The following MAPK6 variants were observed in gnomAD, a reference collection of about 807,000 sequenced individuals.
MAPK6 encodes mitogen-activated protein kinase 6.
Under a neutral mutation model 59.3 loss-of-function variants are expected in MAPK6, and 19 were observed. That is an observed-to-expected ratio of 0.32 (90% CI 0.22 to 0.47). The LOEUF (loss-of-function observed/expected upper bound fraction) is 0.47, where lower values mean the gene tolerates loss of function less well. Ranked by LOEUF, MAPK6 falls within the 20% of genes least tolerant of loss-of-function variation. The pLI, the probability that MAPK6 is intolerant of heterozygous loss-of-function variation, is 1.00. For missense variants in MAPK6, 724 were observed against 847.9 expected (o/e 0.85, Z 1.81); for synonymous variants, 316 against 290.3 (o/e 1.09, Z -0.90).
At chr15:52,002,912 G>C (rs1431161086) in intron 2 of MAPK6, among the ~76,000 whole-genome samples, 3 of 152,130 alleles carry the variant, frequency 2.0e-5, no homozygotes, top group African/African-American at 7.2e-5. Flanking sequence ...CAGATCACCG[G>C]GCGCGGTGGC....
intron 3 of MAPK6, among the ~76,000 whole-genome samples, chr15:52,006,127 T>G (rs1177198640): frequency 1.3e-5 from 2 of 152,216 alleles, no homozygotes; most frequent in Non-Finnish European, 2.9e-5. Context: ...GGAGCTGTGC[T>G]TTATTCTAAG....
intron 1 of MAPK6, among the ~76,000 whole-genome samples, chr15:52,025,582 C>A (rs569483756): frequency 4.6e-5 from 7 of 152,120 alleles, no homozygotes; most frequent in Non-Finnish European, 1.0e-4. Flanking sequence ...GCGGGCGGAT[C>A]ACGAGGTCAG....
chr15:52,021,841 T>C (rs1179378671), intron 1 of MAPK6, among the ~76,000 whole-genome samples: 2 of 152,242 alleles, frequency 1.3e-5, no homozygotes. Flanking sequence ...TTTTCTGTTT[T>C]AATAAAGACA....
chr15:51,999,353 G>T (rs1383463933), intron 2 of MAPK6, among the ~76,000 whole-genome samples: 2 of 152,072 alleles, frequency 1.3e-5, no homozygotes, highest in Non-Finnish European at 2.9e-5. Context: ...TCTCATTGTA[G>T]GTTTGATTTA....
At chr15:52,054,231 G>C (rs572841779) in intron 3 of MAPK6, among the ~76,000 whole-genome samples, 228 of 151,992 alleles carry the variant, frequency 1.5e-3, no homozygotes, top group African/African-American at 5.3e-3. Flanking sequence ...AGCTGGGCAT[G>C]GTGGCGCGCA....
At chr15:52,061,232 C>T in intron 4 of MAPK6, 67 bp from the exon 5 acceptor site, 1 of 1,173,986 alleles carries the variant, frequency 8.5e-7, no homozygotes, top group Non-Finnish European at 1.3e-6. Flanking sequence ...TAAATGAGAT[C>T]AACATTTACT....
chr15:52,003,255 G>A (rs572013590), intron 2 of MAPK6, among the ~76,000 whole-genome samples: 7 of 151,808 alleles, frequency 4.6e-5, no homozygotes, highest in Admixed American at 3.3e-4. Flanking sequence ...TCACTATCAC[G>A]AGAACAGCAT....
At chr15:52,001,509 C>CTTTTTTTT (rs71130114) in intron 2 of MAPK6, among the ~76,000 whole-genome samples, 1 of 128,072 alleles carries the variant, frequency 7.8e-6, no homozygotes, top group African/African-American at 3.0e-5. Context: ...CTTTTCCTTT[C>CTTTTTTTT]TTTTTTTTTT....
At chr15:51,999,994 A>G (rs770875491) in intron 2 of MAPK6, among the ~76,000 whole-genome samples, 3 of 152,108 alleles carry the variant, frequency 2.0e-5, no homozygotes, top group Non-Finnish European at 4.4e-5. Context: ...GCTGGAGTGC[A>G]GTGCTGCAAT....
At chr15:52,044,053 C>T (rs1406665896) in intron 1 of MAPK6, among the ~76,000 whole-genome samples, 5 of 152,068 alleles carry the variant, frequency 3.3e-5, no homozygotes, top group African/African-American at 9.6e-5. Flanking sequence ...GGATTACAGG[C>T]GTGAGCCACC....
chr15:52,021,392 A>C (rs945975981), intron 1 of MAPK6: 1 of 123,686 alleles, frequency 8.1e-6, no homozygotes. Context: ...AATACACTGT[A>C]TTTTTTTCTA....
intron 1 of MAPK6, among the ~76,000 whole-genome samples, chr15:51,978,664 T>TA (rs869142018): frequency 7.3e-5 from 11 of 151,080 alleles, no homozygotes; most frequent in African/African-American, 1.7e-4. Flanking sequence ...ATAACCCCAT[T>TA]AAAAAAACAA....
chr15:52,020,857 C>T (rs1726855755), intron 1 of MAPK6, among the ~76,000 whole-genome samples: 1 of 152,086 alleles, frequency 6.6e-6, no homozygotes, highest in South Asian at 2.1e-4. Context: ...TTAAGAATTG[C>T]CTTAAGCTTG....
intron 2 of MAPK6, among the ~76,000 whole-genome samples, chr15:51,998,798 C>T (rs2057233869): frequency 6.8e-6 from 1 of 147,582 alleles, no homozygotes; most frequent in Non-Finnish European, 1.5e-5. Context: ...TCACGCCATT[C>T]TCCTGCCTCA....
chr15:52,058,670 A>G lies in MAPK6; in HGVS notation c.738A>G (p.Glu246=), dbSNP rs146798894. The G allele has an allele frequency of 3.0e-5, 49 of 1,612,360 alleles. No individual in the cohort carries two copies. The highest frequency in any genetic ancestry group is 3.3e-4 in the Middle Eastern group (2 of 6,078). ...TTGAACAGATGCAGCTGATTTTAGA[A>G]TCTATTCCTGTTGTACATGAGGAAG... is the stretch of plus-strand genomic sequence containing the variant. ...HELEQMQLIL[E]SIPVVHEEDR... is the part of the protein sequence containing the mutation. The change falls in exon 4 of 6, where the codon GAA becomes GAG. Residue 246 remains glutamate (E), a synonymous_variant. Coordinates refer to ENST00000261845, the MANE Select transcript of MAPK6 (RefSeq NM_002748.4).
chr15:52,053,550 C>T (rs1404090012), intron 3 of MAPK6, among the ~76,000 whole-genome samples: 1 of 151,896 alleles, frequency 6.6e-6, no homozygotes, highest in Non-Finnish European at 1.5e-5. Context: ...TCCTATTCTG[C>T]AGTTTTTTTT....
At chr15:52,005,015 A>G (rs1883493105) in intron 3 of MAPK6, among the ~76,000 whole-genome samples, 1 of 152,124 alleles carries the variant, frequency 6.6e-6, no homozygotes, top group Non-Finnish European at 1.5e-5. Context: ...AGCATGCCTC[A>G]TGTTTCACTG....
At chr15:51,998,471 C>T (rs537183445) in intron 2 of MAPK6, among the ~76,000 whole-genome samples, 1 of 149,442 alleles carries the variant, frequency 6.7e-6, no homozygotes, top group East Asian at 2.0e-4. Context: ...TCATAAAGTG[C>T]TGGGATTACA....
intron 2 of MAPK6, among the ~76,000 whole-genome samples, chr15:51,984,254 A>G (rs2057183176): frequency 6.6e-6 from 1 of 152,230 alleles, no homozygotes; most frequent in African/African-American, 2.4e-5. Flanking sequence ...AAAGCCAGTT[A>G]GGAAACTGGA....
Sources: allele counts gnomAD v4.1 joint callset (sites outside exome capture counted in the v4.1 genomes callset), GRCh38; gene constraint gnomAD v4.1.1; transcripts MANE v1.5; gene names NCBI Gene and HGNC (gene_info 2026-07-23, HGNC 2026-07-21).